Variants in HSF2 observed in about 807,000 individuals in gnomAD.
HSF2 encodes heat shock transcription factor 2.
In HSF2, 21 loss-of-function variants were observed where a neutral mutation model predicts 65.0. The ratio of observed to expected loss-of-function variants is 0.32; its 90% CI spans 0.23 to 0.47. HSF2 has a LOEUF of 0.47. Ranked by LOEUF, HSF2 falls within the 20% of genes least tolerant of loss-of-function variation. The pLI, the probability that HSF2 is intolerant of heterozygous loss-of-function variation, is 1.00. For synonymous variants in HSF2, 225 were observed against 219.1 expected (o/e 1.03, Z -0.24); for missense variants, 499 against 628.1 (o/e 0.79, Z 2.20).
In HSF2 at chr6:122,419,403, T is replaced by C. The variant is rs185394323; in HGVS notation, c.593+174T>C. Among the ~76,000 whole-genome samples, 25 of 152,310 alleles carry C rather than the reference T, an allele frequency of 1.6e-4. No individual in the cohort carries two copies. The East Asian group carries it at 4.6e-3, about 28-fold the overall frequency. ...AGAGTAGTATTATTTTTTAGTTTTA[T>C]CATTCTGCTGATGTTTGTGAGAGAT... On this transcript the variant is annotated intron_variant, in intron 6 of 12. Coordinates refer to ENST00000368455, the MANE Select transcript of HSF2 (RefSeq NM_004506.4).
At chr6:122,416,988 A>G (rs1774141797) in intron 5 of HSF2, among the ~76,000 whole-genome samples, 1 of 152,164 alleles carries the variant, frequency 6.6e-6, no homozygotes. Context: ...AGTTTAAGCA[A>G]CAGGTTTTTT....
chr6:122,415,598 G>A (rs1444252598), intron 4 of HSF2, among the ~76,000 whole-genome samples: 1 of 151,596 alleles, frequency 6.6e-6, no homozygotes, highest in Non-Finnish European at 1.5e-5. Context: ...TTTTTTTTAA[G>A]CAAAAAATAA....
chr6:122,420,503 A>G (rs896401451), intron 7 of HSF2, among the ~76,000 whole-genome samples: 4 of 151,552 alleles, frequency 2.6e-5, no homozygotes, highest in Admixed American at 1.3e-4. Context: ...GGTAATCACT[A>G]TCTTGAATTA....
In HSF2 at chr6:122,399,780, T is replaced by C. The variant is rs1030459340; in HGVS notation, c.43T>C (p.Trp15Arg). 3.1e-6 allele frequency: 5 copies of C among 1,612,400 alleles called. No individual in the cohort carries two copies. Among genetic ancestry groups the C allele is most frequent in the Non-Finnish European group, 4.2e-6 (5 of 1,179,416 alleles). Residue 15 changes from tryptophan (W) to arginine (R), a missense_variant, in exon 1 of 13, where the codon TGG (tryptophan) becomes CGG (arginine). Coordinates refer to ENST00000368455, the MANE Select transcript of HSF2 (RefSeq NM_004506.4). ...SNVPAFLSKL[W>R]TLVEETHTNE... ...CGTGCCGGCTTTCCTCAGCAAGCTG[T>C]GGACGCTTGTGGAGGAAACCCACAC... is the stretch of plus-strand genomic sequence containing the variant.
chr6:122,423,278 C>T (rs45539139), intron 9 of HSF2, among the ~76,000 whole-genome samples: 4,008 of 152,050 alleles, frequency 0.026, 181 homozygotes, highest in African/African-American at 0.092. Flanking sequence ...ACAAAGAAAA[C>T]TTAATAGTAA....
intron 12 of HSF2, 120 bp downstream of exon 12, chr6:122,431,634 A>T: frequency 1.8e-6 from 1 of 557,012 alleles, no homozygotes; most frequent in Admixed American, 3.5e-5. Context: ...TAGTGTGTCG[A>T]GGTTCTAGTA....
At chr6:122,404,689 C>T (rs1218982880) in intron 1 of HSF2, among the ~76,000 whole-genome samples, 1 of 152,210 alleles carries the variant, frequency 6.6e-6, no homozygotes, top group Non-Finnish European at 1.5e-5. Context: ...ATCTTTCCCA[C>T]CTCACTCAGT....
intron 1 of HSF2, among the ~76,000 whole-genome samples, chr6:122,404,184 A>C (rs563982052): frequency 6.6e-6 from 1 of 152,290 alleles, no homozygotes; most frequent in African/African-American, 2.4e-5. Context: ...AATAGGTAGG[A>C]GGGAGAGAGA....
intron 6 of HSF2, among the ~76,000 whole-genome samples, chr6:122,419,635 A>T (rs1008805020): frequency 6.6e-6 from 1 of 152,156 alleles, no homozygotes; most frequent in Non-Finnish European, 1.5e-5. Context: ...TCTGTATCTC[A>T]GCCATGGGTT....
rs751956257 is a variant in HSF2 at position 122,427,895 on chromosome 6, T to G, written c.1177-8T>G. The G allele has an allele frequency of 1.3e-6, 2 of 1,584,306 alleles. No individual in the cohort carries two copies. Among genetic ancestry groups the G allele is most frequent in the Non-Finnish European group, 1.7e-6 (2 of 1,159,756 alleles). ...TAAACTTATCATCTTTCTTGTTTGG[T>G]CTTTCAGCTTTTCACTAGTTCTGTG... On this transcript the variant is annotated splice_polypyrimidine_tract_variant and splice_region_variant and intron_variant, in intron 10 of 12. Transcript: ENST00000368455.
intron 11 of HSF2, among the ~76,000 whole-genome samples, chr6:122,430,763 A>G (rs1274564752): frequency 2.6e-5 from 4 of 152,280 alleles, no homozygotes; most frequent in East Asian, 1.9e-4. Context: ...GAGTTTGAAC[A>G]TGAAAGGAGC....
chr6:122,399,719 T>C lies in HSF2; in HGVS notation c.-19T>C. 6.2e-7 allele frequency: 1 copy of C among 1,605,916 alleles called. No homozygotes were observed. Among genetic ancestry groups the C allele is most frequent in the Non-Finnish European group, 8.5e-7 (1 of 1,175,384 alleles). On this transcript the variant is annotated 5_prime_UTR_variant, in exon 1 of 13. Transcript: ENST00000368455. ...CCGCGTTCGGGTGTAGAATTTGGAA[T>C]CCCTGCGCCGCGTTAACAATGAAGC...
At chr6:122,416,356 A>T (rs1235061014) in intron 5 of HSF2, 60 bp downstream of exon 5, 2 of 1,104,996 alleles carry the variant, frequency 1.8e-6, no homozygotes, top group Non-Finnish European at 2.8e-6. Context: ...ACTGTTTGTG[A>T]CCCAAAAAGG....
At chr6:122,420,869 A>G (rs1216505491) in intron 7 of HSF2, among the ~76,000 whole-genome samples, 5 of 150,466 alleles carry the variant, frequency 3.3e-5, no homozygotes, top group African/African-American at 1.2e-4. Context: ...GTGCCACCAC[A>G]CTTGGATAAT....
At chr6:122,421,904 T>A (rs1171498310) in intron 7 of HSF2, among the ~76,000 whole-genome samples, 1 of 152,050 alleles carries the variant, frequency 6.6e-6, no homozygotes, top group Non-Finnish European at 1.5e-5. Context: ...AGGGGTGTCA[T>A]CTTCAGGGTC....
chr6:122,416,181 AT>A (rs2243361), intron 4 of HSF2, 39 bp from the exon 5 acceptor site: 40,414 of 1,167,638 alleles, frequency 0.035, 538 homozygotes, highest in East Asian at 0.066. Context: ...TTTTTGATTG[AT>A]TTTTTTTTTG....
chr6:122,416,638 A>G (rs762754415), intron 5 of HSF2, among the ~76,000 whole-genome samples: 1 of 152,184 alleles, frequency 6.6e-6, no homozygotes, highest in Non-Finnish European at 1.5e-5. Flanking sequence ...ACATAGCCTT[A>G]CTGGTTTTTT....
intron 4 of HSF2, among the ~76,000 whole-genome samples, chr6:122,415,647 A>G (rs1434352350): frequency 1.3e-5 from 2 of 152,112 alleles, no homozygotes; most frequent in Admixed American, 6.5e-5. Flanking sequence ...GCCAACTACT[A>G]TATTGATGTA....
Position 122,420,154 on chromosome 6 carries a change from A to G in HSF2, c.613A>G (p.Asn205Asp). Residue 205 changes from asparagine (N) to aspartate (D), a missense_variant, in exon 7 of 13, where the codon AAT becomes GAT. Physicochemically the swap from Asn to Asp is conservative, Grantham distance 23. Around this residue, in one of 2 missense-constraint regions of HSF2, gnomAD observed 349 missense variants for 393.5 expected, o/e 0.89. Coordinates refer to ENST00000368455, the MANE Select transcript of HSF2 (RefSeq NM_004506.4). ...KRKRPLLLNT[N>D]GAQKKNLFQH... ...TTTCAGGCCTCTACTTCTAAACACT[A>G]ATGGAGCCCAAAAGAAGAACCTGTT... 1 of 1,610,952 alleles carries G rather than the reference A, an allele frequency of 6.2e-7. No homozygotes were observed. The highest frequency in any genetic ancestry group is 8.5e-7 in the Non-Finnish European group (1 of 1,178,164).
Sources: gnomAD v4.1 joint callset for allele counts (sites outside exome capture counted in the v4.1 genomes callset) on GRCh38, gnomAD v4.1.1 for gene constraint, gnomAD v4.1.1 regional missense constraint, MANE v1.5 for transcripts, NCBI Gene and HGNC (gene_info 2026-07-23, HGNC 2026-07-21) for gene names.